XNDC1N: variants seen among roughly 807,000 people sequenced by gnomAD.
XNDC1N encodes protein XNDC1N.
At chr11:71,907,744 G>C in the XNDC1N span, among the ~76,000 whole-genome samples, 1 of 152,060 alleles carries the variant, frequency 6.6e-6, no homozygotes, top group African/African-American at 2.4e-5. Flanking sequence ...CTGTGATATT[G>C]AAAGCAATAT....
chr11:71,895,139 A>C, the XNDC1N span, among the ~76,000 whole-genome samples: 1 of 151,292 alleles, frequency 6.6e-6, no homozygotes, highest in Non-Finnish European at 1.5e-5. Flanking sequence ...CTTTTAAAGC[A>C]CCAGAGGTGG....
the XNDC1N span, chr11:71,928,248 C>A: frequency 3.6e-6 from 2 of 556,086 alleles, no homozygotes. Context: ...GGAGCTCAAG[C>A]CGCACCGCTG....
chr11:71,928,256 C>T, the XNDC1N span: 2 of 562,260 alleles, frequency 3.6e-6, no homozygotes, highest in Non-Finnish European at 6.3e-6. Flanking sequence ...AGCCGCACCG[C>T]TGCTTTCACA....
the XNDC1N span, among the ~76,000 whole-genome samples, chr11:71,869,873 T>C: frequency 1.3e-5 from 2 of 152,188 alleles, no homozygotes; most frequent in Non-Finnish European, 2.9e-5. Context: ...AGACTGATGT[T>C]TCTTTAATCT....
At chr11:71,874,195 C>G in the XNDC1N span, among the ~76,000 whole-genome samples, 43 of 152,230 alleles carry the variant, frequency 2.8e-4, no homozygotes, top group East Asian at 6.4e-3. Flanking sequence ...TAGCTAGCAC[C>G]TGTAATCCCA....
At chr11:71,917,441 A>G in the XNDC1N span, 1 of 639,816 alleles carries the variant, frequency 1.6e-6, no homozygotes, top group South Asian at 1.8e-5. Context: ...CTCACCACAC[A>G]AATCTCACAC....
the XNDC1N span, among the ~76,000 whole-genome samples, chr11:71,885,566 C>T: frequency 6.6e-6 from 1 of 152,112 alleles, no homozygotes; most frequent in East Asian, 1.9e-4. Context: ...ATATCACCGG[C>T]TGAGTGTACA....
chr11:71,895,707 A>G, the XNDC1N span, among the ~76,000 whole-genome samples: 1 of 152,350 alleles, frequency 6.6e-6, no homozygotes, highest in South Asian at 2.1e-4. Context: ...ATACACTTGC[A>G]TATACATAAG....
the XNDC1N span, chr11:71,916,368 A>G: frequency 1.6e-6 from 1 of 616,160 alleles, no homozygotes; most frequent in Non-Finnish European, 2.9e-6. Context: ...CCTCCAACAA[A>G]AGAAGGAGGT....
the XNDC1N span, chr11:71,917,579 C>T: frequency 1.4e-6 from 1 of 703,702 alleles, no homozygotes; most frequent in Non-Finnish European, 2.6e-6. Flanking sequence ...CTCTGTTTCT[C>T]ATAAAGACCA....
chr11:71,918,440 CCTGG>C, the XNDC1N span, among the ~76,000 whole-genome samples: 1 of 152,056 alleles, frequency 6.6e-6, no homozygotes, highest in Non-Finnish European at 1.5e-5. Flanking sequence ...CGCCACCACA[CCTGG>C]CTAATTTTTG....
the XNDC1N span, chr11:71,923,251 AT>A: frequency 5.7e-6 from 4 of 701,072 alleles, no homozygotes. Context: ...CAAGACTCCT[AT>A]TTTTTTCACT....
At chr11:71,925,944 G>A in the XNDC1N span, 1 of 151,562 alleles carries the variant, frequency 6.6e-6, no homozygotes, top group African/African-American at 2.4e-5. Flanking sequence ...GCATATTTTT[G>A]TGATTTGATG....
chr11:71,888,311 G>A, the XNDC1N span, among the ~76,000 whole-genome samples: 1 of 152,202 alleles, frequency 6.6e-6, no homozygotes, highest in East Asian at 1.9e-4. Context: ...AAGAGCTGAA[G>A]GCAGGTGAGA....
the XNDC1N span, among the ~76,000 whole-genome samples, chr11:71,902,717 T>C: frequency 6.6e-6 from 1 of 152,286 alleles, no homozygotes; most frequent in Non-Finnish European, 1.5e-5. Context: ...TGGTCTCAGC[T>C]GTTATACAGT....
the XNDC1N span, among the ~76,000 whole-genome samples, chr11:71,895,755 C>G: frequency 6.6e-6 from 1 of 152,176 alleles, no homozygotes; most frequent in Non-Finnish European, 1.5e-5. Context: ...CACAGTATCC[C>G]TGAAGTTTCA....
At chr11:71,869,884 T>C in the XNDC1N span, among the ~76,000 whole-genome samples, 1 of 152,184 alleles carries the variant, frequency 6.6e-6, no homozygotes, top group Non-Finnish European at 1.5e-5. Context: ...TCTTTAATCT[T>C]TGGTGTCGCT....
the XNDC1N span, among the ~76,000 whole-genome samples, chr11:71,912,176 A>C: frequency 1.3e-3 from 196 of 152,274 alleles, no homozygotes; most frequent in Non-Finnish European, 2.4e-3. Flanking sequence ...GCATGATGCG[A>C]GGCAAGGTCC....
the XNDC1N span, chr11:71,928,443 T>C: frequency 4.3e-6 from 3 of 702,396 alleles, no homozygotes; most frequent in Non-Finnish European, 7.8e-6. Flanking sequence ...AATTCGGCCT[T>C]CTGACCTTCG....
Sources: gnomAD v4.1 joint callset for allele counts (sites outside exome capture counted in the v4.1 genomes callset) on GRCh38, gnomAD v4.1.1 for gene constraint, MANE v1.5 for transcripts, NCBI Gene and HGNC (gene_info 2026-07-23, HGNC 2026-07-21) for gene names.